Variants in AIG1 observed in about 807,000 individuals in gnomAD.
The protein encoded by AIG1 is androgen induced 1.
AIG1 carries 23 observed loss-of-function variants against 31.4 expected under a neutral mutation model. The observed-to-expected ratio is 0.73, with a 90% CI of 0.53 to 1.04. The LOEUF (loss-of-function observed/expected upper bound fraction) is 1.04. Among genes scored for constraint, AIG1 ranks in the 50% least tolerant of loss-of-function variants. The pLI is 0.00. For synonymous variants in AIG1, 100 were observed against 110.5 expected (o/e 0.90, Z 0.60); for missense variants, 274 against 295.0 (o/e 0.93, Z 0.52).
chr6:143,285,531 T>C (rs567264031), intron 4 of AIG1, among the ~76,000 whole-genome samples: 20 of 151,576 alleles, frequency 1.3e-4, no homozygotes, highest in African/African-American at 4.8e-4. Context: ...GGTGTGGTGG[T>C]GGGCGCCTGT....
intron 1 of AIG1, among the ~76,000 whole-genome samples, chr6:143,073,580 G>A (rs1009056678): frequency 3.9e-5 from 6 of 152,198 alleles, no homozygotes; most frequent in Non-Finnish European, 7.3e-5. Flanking sequence ...TCTAATGGGT[G>A]TGAGATGGTA....
intron 3 of AIG1, among the ~76,000 whole-genome samples, chr6:143,183,489 C>T (rs555927211): frequency 2.6e-5 from 4 of 152,278 alleles, no homozygotes; most frequent in South Asian, 2.1e-4. Flanking sequence ...ACACCACGCC[C>T]GGTCAGACAA....
At chr6:143,079,084 A>AAG (rs377635305) in intron 1 of AIG1, among the ~76,000 whole-genome samples, 58 of 150,886 alleles carry the variant, frequency 3.8e-4, no homozygotes, top group African/African-American at 1.2e-3. Flanking sequence ...AGCAGGAGAA[A>AAG]AGAGAGAGAG....
At chr6:143,342,924 T>A, downstream of AIG1, 1 of 909,408 alleles carries the variant, frequency 1.1e-6, no homozygotes, top group Non-Finnish European at 1.9e-6. Flanking sequence ...CAAATATGTA[T>A]GTTTTGTGGA....
chr6:143,258,944 T>C lies in AIG1; in HGVS notation c.400-25166T>C, dbSNP rs1264249606. ...TCTCATGGGAACCACATCCAAACCA[T>C]AGCAGAGGTCAACAGAGACCTTGGC... is the stretch of plus-strand genomic sequence containing the variant. On this transcript the variant is annotated intron_variant, in intron 3 of 5. Coordinates refer to ENST00000357847, the MANE Select transcript of AIG1 (RefSeq NM_016108.4). This position sits in a 1 kb window ranked among gnomAD's most constrained non-coding sequence, Gnocchi z 4.7. 1.3e-5 allele frequency among the ~76,000 whole-genome samples: 2 copies of C among 152,216 alleles called. No homozygotes were observed. The highest frequency in any genetic ancestry group is 2.9e-5 in the Non-Finnish European group (2 of 68,040).
chr6:143,175,995 G>T (rs1788113361), intron 3 of AIG1, among the ~76,000 whole-genome samples: 1 of 152,174 alleles, frequency 6.6e-6, no homozygotes, highest in Non-Finnish European at 1.5e-5. Context: ...GTCCCTCAGG[G>T]TGCTCCCGTG....
At chr6:143,160,297 T>A (rs943468171) in intron 2 of AIG1, among the ~76,000 whole-genome samples, 3 of 152,228 alleles carry the variant, frequency 2.0e-5, no homozygotes, top group African/African-American at 7.2e-5. Flanking sequence ...TCAATAAAGC[T>A]TCTTCTTAGA....
At chr6:143,273,862 A>G (rs1272605285) in intron 3 of AIG1, among the ~76,000 whole-genome samples, 1 of 152,212 alleles carries the variant, frequency 6.6e-6, no homozygotes, top group Non-Finnish European at 1.5e-5. Context: ...ATTTAAGATG[A>G]GAATTGGGTG....
intron 1 of AIG1, among the ~76,000 whole-genome samples, chr6:143,066,775 C>G (rs534066922): frequency 1.3e-5 from 2 of 152,168 alleles, no homozygotes; most frequent in African/African-American, 4.8e-5. Context: ...ATTGTATTGT[C>G]CTTATGTTGA....
At chr6:143,317,838 T>C (rs1017339781) in intron 4 of AIG1, among the ~76,000 whole-genome samples, 3 of 152,184 alleles carry the variant, frequency 2.0e-5, no homozygotes, top group Non-Finnish European at 2.9e-5. Context: ...GTAGCTTTTC[T>C]ATACACCAAC....
At chr6:143,289,172 C>T (rs1797887789) in intron 4 of AIG1, among the ~76,000 whole-genome samples, 1 of 152,106 alleles carries the variant, frequency 6.6e-6, no homozygotes. Context: ...AGACTCTCTA[C>T]AAATGCAAAG....
At chr6:143,189,953 T>G (rs545818643) in intron 3 of AIG1, 1 of 559,100 alleles carries the variant, frequency 1.8e-6, no homozygotes. Flanking sequence ...TGGGTTCTGA[T>G]GAGGATCCTC....
At chr6:143,091,367 A>G (rs1180972097) in intron 1 of AIG1, among the ~76,000 whole-genome samples, 5 of 152,242 alleles carry the variant, frequency 3.3e-5, no homozygotes, top group Non-Finnish European at 7.3e-5. Context: ...TATGTATAGA[A>G]TGGCTCACAT....
At chr6:143,071,973 G>A (rs1253084072) in intron 1 of AIG1, among the ~76,000 whole-genome samples, 1 of 146,144 alleles carries the variant, frequency 6.8e-6, no homozygotes, top group Non-Finnish European at 1.5e-5. Flanking sequence ...TTTTTTTTTT[G>A]TGCAGACAGG....
In AIG1 at chr6:143,215,107, G is replaced by A. The variant is rs148569304; in HGVS notation, c.399+49924G>A. The stretch of plus-strand genomic sequence containing the variant: ...CAGCCTGGAACATTGTAGGTGCTCC[G>A]TAGGTCTTGTTGAATTAATGAATTG... On this transcript the variant is annotated intron_variant, in intron 3 of 5. Transcript: ENST00000357847. Among the ~76,000 whole-genome samples, 597 of 151,792 alleles carry A rather than the reference G, an allele frequency of 3.9e-3. 2 individuals are homozygous for A. The highest frequency in any genetic ancestry group is 0.01 in the Middle Eastern group (3 of 294).
chr6:143,188,049 T>A (rs571161859), intron 3 of AIG1: 3 of 1,074,476 alleles, frequency 2.8e-6, no homozygotes, highest in South Asian at 6.1e-5. Flanking sequence ...TTAAAAAACA[T>A]TTGCTGAAGG....
upstream of AIG1, chr6:143,060,820 CG>C (rs1255743904): frequency 7.0e-6 from 2 of 284,138 alleles, no homozygotes; most frequent in African/African-American, 2.6e-5. Flanking sequence ...CCCCGCCCCG[CG>C]CCCGCGCCCG....
chr6:143,197,190 T>TC (rs1429153837), intron 3 of AIG1, among the ~76,000 whole-genome samples: 1 of 152,028 alleles, frequency 6.6e-6, no homozygotes, highest in African/African-American at 2.4e-5. Flanking sequence ...TTTTTTTTTT[T>TC]CCTGTAGGAC....
At chr6:143,179,692 A>G (rs1788539110) in intron 3 of AIG1, among the ~76,000 whole-genome samples, 1 of 152,212 alleles carries the variant, frequency 6.6e-6, no homozygotes, top group African/African-American at 2.4e-5. Context: ...ATTTATTTGA[A>G]GAGGAGAAGA....
Sources: allele counts gnomAD v4.1 joint callset (sites outside exome capture counted in the v4.1 genomes callset), GRCh38; gene constraint gnomAD v4.1.1; non-coding constraint Gnocchi (gnomAD v3.1); transcripts MANE v1.5; gene names NCBI Gene and HGNC (gene_info 2026-07-23, HGNC 2026-07-21).